The following C4orf50 variants were observed in gnomAD, a reference collection of about 807,000 sequenced individuals.
C4orf50 encodes chromosome 4 open reading frame 50.
C4orf50 carries 80 observed loss-of-function variants against 77.2 expected under a neutral mutation model. That is an observed-to-expected ratio of 1.04 (90% CI 0.87 to 1.25). The LOEUF is 1.25. Among genes scored for constraint, C4orf50 ranks in the 50% most tolerant of loss-of-function variants. C4orf50 has a pLI of 0.00. For missense variants in C4orf50, 1,257 were observed against 1,152.9 expected (o/e 1.09, Z -1.31); for synonymous variants, 532 against 465.3 (o/e 1.14, Z -1.84).
At chr4:5,940,128 T>C (rs2108750356) in intron 7 of C4orf50, among the ~76,000 whole-genome samples, 1 of 152,332 alleles carries the variant, frequency 6.6e-6, no homozygotes, top group East Asian at 1.9e-4. Context: ...CAACTCAGCA[T>C]AAATTTCTGT....
chr4:5,936,216 A>T (rs1038198277), intron 7 of C4orf50, among the ~76,000 whole-genome samples: 11 of 150,916 alleles, frequency 7.3e-5, no homozygotes, highest in Non-Finnish European at 1.5e-4. Context: ...AGGAAAAAAA[A>T]AAAATGAGCT....
At chr4:5,988,292 G>A in intron 28 of C4orf50, 55 bp downstream of exon 6, 1 of 1,571,194 alleles carries the variant, frequency 6.4e-7, no homozygotes, top group Non-Finnish European at 8.6e-7. Flanking sequence ...GAATGGGGTG[G>A]CCCCCGGAAC....
downstream of C4orf50, among the ~76,000 whole-genome samples, chr4:5,954,190 C>T (rs1267449892): frequency 5.3e-5 from 8 of 152,134 alleles, 1 homozygote; most frequent in Admixed American, 5.2e-4. This position sits in a 1 kb window ranked among gnomAD's most constrained non-coding sequence, Gnocchi z 4.7. Flanking sequence ...TCAGTGACAA[C>T]GGGGAATGGC....
intron 7 of C4orf50, among the ~76,000 whole-genome samples, chr4:5,910,533 G>C (rs1331735112): frequency 6.6e-6 from 1 of 152,160 alleles, no homozygotes; most frequent in Non-Finnish European, 1.5e-5. Flanking sequence ...TTATTCCTAA[G>C]GAATTATCTA....
intron 7 of C4orf50, among the ~76,000 whole-genome samples, chr4:5,912,383 A>G (rs6446407): frequency 0.93 from 141,167 of 152,160 alleles, 65,717 homozygotes; most frequent in East Asian, 1. Context: ...TAATAGGAAA[A>G]AATTGGAATG....
chr4:5,989,658 G>A lies in C4orf50; in HGVS notation c.2388C>T (p.His796=), dbSNP rs745391833. 83 of 1,536,118 alleles carry A rather than the reference G, an allele frequency of 5.4e-5. No homozygotes were observed. The African/African-American group carries it at 8.7e-4, about 16-fold the overall frequency. Residue 796 remains histidine, a synonymous_variant, in exon 28 of 34, where the codon CAC becomes CAT. Coordinates refer to ENST00000531445, the Ensembl canonical transcript of C4orf50. ...CATCGATTGTGAGTGCACACCTGTT[G>A]TGTCCTTTGCTCACAGCCTGTGGAT...
chr4:5,997,386 A>G lies in C4orf50; in HGVS notation c.964-2910T>C, dbSNP rs935504383. Among the ~76,000 whole-genome samples the G allele has an allele frequency of 1.6e-4, 25 of 152,194 alleles. 1 individual carries two copies. Among genetic ancestry groups the G allele is most frequent in the Non-Finnish European group, 4.4e-5 (3 of 68,038 alleles). ...GTGACATCCAGCGGACACAACCTAG[A>G]AGACAACGCTGTACTGAAACATTGC... is the stretch of plus-strand genomic sequence containing the variant. On this transcript the variant is annotated intron_variant, in intron 25 of 33. Coordinates refer to ENST00000531445, the Ensembl canonical transcript of C4orf50.
rs543395478 is a variant in C4orf50 at position 6,017,415 on chromosome 4, CTT to C, written c.287+728_287+729del. Among the ~76,000 whole-genome samples, 14 of 152,342 alleles carry C rather than the reference CTT, an allele frequency of 9.2e-5. No homozygotes were observed. In the East Asian group the frequency reaches 2.5e-3, roughly 27 times the overall value. On this transcript the variant is annotated intron_variant, in intron 23 of 33. Coordinates refer to ENST00000531445, the Ensembl canonical transcript of C4orf50. This position sits in a 1 kb window ranked among gnomAD's most constrained non-coding sequence, Gnocchi z 4.7. ...GATGTCACTGTGGGAACAAGAGTGA[CTT>C]TATTTTAAACGCTAATCCAGCAGGT...
Position 6,011,737 on chromosome 4 carries a change from C to A in C4orf50, c.426+93G>T, listed in dbSNP as rs565071641. 42 of 398,734 alleles carry A rather than the reference C, an allele frequency of 1.1e-4. 1 individual carries two copies. In the South Asian group the frequency reaches 5.4e-3, roughly 51 times the overall value. 24.7% of individuals were successfully genotyped at this position (398,734 alleles called of 1,614,324 possible). ...CCTGACTGGGCTCTCCCAGGCCCAC[C>A]CTGTACTGTCTTTGCCCAACTGCAG... is the stretch of plus-strand genomic sequence containing the variant. On this transcript the variant is annotated intron_variant, in intron 24 of 33. Coordinates refer to ENST00000531445, the Ensembl canonical transcript of C4orf50. This position sits in a 1 kb window ranked among gnomAD's most constrained non-coding sequence, Gnocchi z 4.2.
At chr4:5,921,055 C>T (rs575342268) in intron 7 of C4orf50, among the ~76,000 whole-genome samples, 1 of 152,210 alleles carries the variant, frequency 6.6e-6, no homozygotes, top group Non-Finnish European at 1.5e-5. Context: ...ATCTGAGTGA[C>T]CTGAGACCTT....
chr4:5,989,395 G>C, exon 28 of C4orf50: 2 of 1,536,112 alleles, frequency 1.3e-6, no homozygotes. Flanking sequence ...GCCCAGGGCC[G>C]TGGTCTTTCC....
chr4:5,988,532 A>G (rs1433227350), exon 28 of C4orf50: 1 of 1,537,446 alleles, frequency 6.5e-7, no homozygotes, highest in Admixed American at 2.0e-5. Flanking sequence ...CCGCGTCTGG[A>G]ATTCCCGGTG....
chr4:5,977,306 T>TA (rs1392120306), intron 29 of C4orf50, among the ~76,000 whole-genome samples: 1 of 152,152 alleles, frequency 6.6e-6, no homozygotes, highest in East Asian at 1.9e-4. Flanking sequence ...TGCAGTCAGT[T>TA]AAAAAAATCA....
intron 7 of C4orf50, among the ~76,000 whole-genome samples, chr4:5,907,777 G>A (rs909361012): frequency 2.6e-5 from 4 of 152,240 alleles, no homozygotes; most frequent in Admixed American, 2.6e-4. Flanking sequence ...AAAGCAATAG[G>A]GCCAGGGGTC....
intron 7 of C4orf50, among the ~76,000 whole-genome samples, chr4:5,911,383 GA>G (rs1254981558): frequency 6.6e-6 from 1 of 152,222 alleles, no homozygotes; most frequent in African/African-American, 2.4e-5. Flanking sequence ...AACTATTGGG[GA>G]ATTCGTTCAT....
At chr4:5,935,180 A>G (rs1717952692) in intron 7 of C4orf50, among the ~76,000 whole-genome samples, 1 of 152,150 alleles carries the variant, frequency 6.6e-6, no homozygotes, top group South Asian at 2.1e-4. Context: ...AACCCACATG[A>G]GCAATGGTGC....
intron 7 of C4orf50, among the ~76,000 whole-genome samples, chr4:5,947,418 T>C (rs1403647233): frequency 1.3e-5 from 2 of 152,194 alleles, no homozygotes; most frequent in African/African-American, 2.4e-5. Flanking sequence ...AAGTTTACCA[T>C]AGGAGGAAAA....
intron 7 of C4orf50, among the ~76,000 whole-genome samples, chr4:5,921,833 G>A (rs1187870118): frequency 6.6e-6 from 1 of 152,220 alleles, no homozygotes. Context: ...GACGGCCGGT[G>A]CTGGGAGGTG....
At chr4:6,013,329 G>A (rs1485401794) in intron 23 of C4orf50, among the ~76,000 whole-genome samples, 2 of 152,098 alleles carry the variant, frequency 1.3e-5, no homozygotes, top group East Asian at 1.9e-4. Flanking sequence ...AGCACTTTCC[G>A]ATGAGTTATA....
Sources: allele counts gnomAD v4.1 joint callset (sites outside exome capture counted in the v4.1 genomes callset), GRCh38; gene constraint gnomAD v4.1.1; non-coding constraint Gnocchi (gnomAD v3.1); transcripts MANE v1.5; gene names NCBI Gene and HGNC (gene_info 2026-07-23, HGNC 2026-07-21).